Variants in SHF observed in about 807,000 individuals in gnomAD.
The protein encoded by SHF is SH2 domain-containing adapter protein F.
In SHF, 30 loss-of-function variants were observed where a neutral mutation model predicts 42.4. That is an observed-to-expected ratio of 0.71 (90% CI 0.53 to 0.96). SHF has a LOEUF of 0.96. SHF is among the 40% of genes least tolerant of loss of function. SHF has a pLI of 0.00. For synonymous variants in SHF, 264 were observed against 269.9 expected (o/e 0.98, Z 0.21); for missense variants, 598 against 634.0 (o/e 0.94, Z 0.61).
chr15:45,186,285 C>G (rs1488150650), intron 1 of SHF, among the ~76,000 whole-genome samples: 1 of 152,278 alleles, frequency 6.6e-6, no homozygotes, highest in East Asian at 1.9e-4. Flanking sequence ...GGCTTCTGCT[C>G]TGACCCTGAC....
chr15:45,189,679 G>A (rs150668553), upstream of SHF, among the ~76,000 whole-genome samples: 5 of 152,190 alleles, frequency 3.3e-5, no homozygotes, highest in Admixed American at 6.5e-5. Context: ...GTGAGCCAAC[G>A]GCACCTGGCC....
chr15:45,170,552 G>A lies in SHF; in HGVS notation c.1280+1331C>T, dbSNP rs951884716. 19 of 741,000 alleles carry A rather than the reference G, an allele frequency of 2.6e-5. No homozygotes were observed. The African/African-American group carries it at 3.5e-4, about 14-fold the overall frequency. 45.9% of individuals were successfully genotyped at this position (741,000 alleles called of 1,614,324 possible). Reference sequence around the variant, plus strand: ...AAACCGAGGCTCGGAGATATTAAGTGATTTCCCTAGGATCACATAGCTAGT... The same window carrying A: ...AAACCGAGGCTCGGAGATATTAAGTAATTTCCCTAGGATCACATAGCTAGT... On this transcript the variant is annotated intron_variant, in intron 6 of 6. Transcript: ENST00000690270.
Position 45,175,418 on chromosome 15 carries a change from C to G in SHF, c.648G>C (p.Arg216=). ...GCTGAGTTGCTGTCTCCTTGGAGCC[C>G]CGGATCTCTGCCGGAGCAGGGCAGG... ...YEAQKMMAEI[R]GSKETATQPL... is the part of the protein sequence containing the mutation. The change falls in exon 3 of 7, where the codon CGG becomes CGC. Residue 216 remains arginine (R), a synonymous_variant. Transcript: ENST00000690270. 1 of 1,580,840 alleles carries G rather than the reference C, an allele frequency of 6.3e-7. No individual in the cohort carries two copies. Among genetic ancestry groups the G allele is most frequent in the Admixed American group, 1.8e-5 (1 of 54,980 alleles).
At chr15:45,172,892 C>G (rs971307471) in intron 4 of SHF, among the ~76,000 whole-genome samples, 3 of 152,048 alleles carry the variant, frequency 2.0e-5, no homozygotes, top group African/African-American at 4.8e-5. Flanking sequence ...GGCCCAGAGG[C>G]AGCACCTCTG....
upstream of SHF, chr15:45,188,000 G>A (rs867765037): frequency 5.6e-3 from 3,743 of 664,454 alleles, 11 homozygotes; most frequent in Non-Finnish European, 7.0e-3. Flanking sequence ...GTGGGGGGCG[G>A]GGGCGGGGGT....
intron 2 of SHF, among the ~76,000 whole-genome samples, chr15:45,176,751 A>G (rs112986463): frequency 0.027 from 4,112 of 152,274 alleles, 184 homozygotes; most frequent in African/African-American, 0.093. Context: ...GATAAAAGCT[A>G]TGGAGCTACT....
chr15:45,187,880 G>T lies in SHF; in HGVS notation c.72C>A (p.Gly24=). The change falls in exon 1 of 7, where the codon GGC becomes GGA. Residue 24 remains glycine (G), a synonymous_variant. Transcript: ENST00000690270. ...CGGCGCCCCGGCGGGACCCCCCCGG[G>T]CCGCCCCCAGCGCTCCCCTGCGTTC... ...GPRTQGSAGG[G]PGGSRRGAGG... The T allele has an allele frequency of 8.5e-7, 1 of 1,174,320 alleles. No individual in the cohort carries two copies. The highest frequency in any genetic ancestry group is 1.1e-6 in the Non-Finnish European group (1 of 947,766). 72.7% of individuals were successfully genotyped at this position (1,174,320 alleles called of 1,614,324 possible). A position where few individuals can be genotyped will look rare whatever the true frequency, so the allele number is the denominator to read the frequency against.
intron 1 of SHF, among the ~76,000 whole-genome samples, chr15:45,179,927 C>A (rs534075274): frequency 2.0e-5 from 3 of 152,228 alleles, no homozygotes; most frequent in East Asian, 3.9e-4. Context: ...AAGAAAGGAA[C>A]CTCTTCACCT....
rs762356382 is a variant in SHF, at chr15:45,178,150, G to T, written c.640+15C>A. ...CCAGGCCTCAGGGAGCACCTCCCCT[G>T]CCCCTGTCACTCACCGGCCATCATC... is the stretch of plus-strand genomic sequence containing the variant. On this transcript the variant is annotated intron_variant, in intron 2 of 6. Transcript: ENST00000690270. 1.9e-6 allele frequency: 3 copies of T among 1,610,392 alleles called. No individual in the cohort carries two copies. Among genetic ancestry groups the T allele is most frequent in the Non-Finnish European group, 2.5e-6 (3 of 1,179,138 alleles).
intron 2 of SHF, 105 bp downstream of exon 2, chr15:45,178,060 A>G (rs749557723): frequency 1.4e-6 from 2 of 1,439,618 alleles, no homozygotes; most frequent in Non-Finnish European, 1.9e-6. Flanking sequence ...GACTTTCTCC[A>G]TATTTTCCAG....
chr15:45,199,675 C>T (rs964969409), intron 1 of SHF, among the ~76,000 whole-genome samples: 1 of 152,202 alleles, frequency 6.6e-6, no homozygotes, highest in African/African-American at 2.4e-5. Context: ...GAAGCGCCTA[C>T]TACCTGTCAG....
intron 1 of SHF, among the ~76,000 whole-genome samples, chr15:45,178,682 G>A (rs560004734): frequency 2.0e-5 from 3 of 151,942 alleles, no homozygotes; most frequent in African/African-American, 4.8e-5. Context: ...CTACAGGCAC[G>A]CACCACCAAG....
chr15:45,182,738 A>G lies in SHF; in HGVS notation c.499-4432T>C, dbSNP rs140739359. On this transcript the variant is annotated intron_variant, in intron 1 of 6. Transcript: ENST00000690270. The stretch of plus-strand genomic sequence containing the variant: ...TGTAATTTCCCAAAAATATTTAACC[A>G]TGGAAGCCCTTTGTCACTGAAAACC... 2.5e-3 allele frequency among the ~76,000 whole-genome samples: 378 copies of G among 152,344 alleles called. 5 individuals carry two copies. The highest frequency in any genetic ancestry group is 9.0e-3 in the African/African-American group (374 of 41,584).
rs865837711 is a variant in SHF at position 45,172,702 on chromosome 15, C to T, written c.989-384G>A. ...TCTTTCTCCTCCTCAGAGTTCATTA[C>T]CGTTCTCCAAATCACCCTGCCAAGC... is the stretch of plus-strand genomic sequence containing the variant. On this transcript the variant is annotated intron_variant, in intron 4 of 6. Transcript: ENST00000690270. 5.3e-5 allele frequency among the ~76,000 whole-genome samples: 8 copies of T among 152,350 alleles called. 1 individual carries two copies. In the South Asian group the frequency reaches 8.3e-4, roughly 16 times the overall value.
chr15:45,194,932 G>C lies in SHF; in HGVS notation c.303+3840C>G, dbSNP rs374089324. ...TAGCCTCAACCTCCTGGGTTCAAGCGATCCTCCCACCTCAGCTGCTCCAAT... is the reference window on the plus strand; with the variant it reads ...TAGCCTCAACCTCCTGGGTTCAAGCCATCCTCCCACCTCAGCTGCTCCAAT... On this transcript the variant is annotated intron_variant, in intron 2 of 7. Coordinates refer to the SHF transcript ENST00000290894. 9.1e-4 allele frequency among the ~76,000 whole-genome samples: 139 copies of C among 152,116 alleles called. No individual in the cohort carries two copies. In the South Asian group the frequency reaches 0.015, roughly 17 times the overall value.
chr15:45,186,331 GCT>G (rs1169828065), intron 1 of SHF, among the ~76,000 whole-genome samples: 4 of 152,228 alleles, frequency 2.6e-5, no homozygotes, highest in East Asian at 1.9e-4. Flanking sequence ...GCGGAACGGC[GCT>G]CTCTCAGCTA....
At chr15:45,194,149 C>A (rs1310743105) in intron 2 of SHF, among the ~76,000 whole-genome samples, 1 of 150,766 alleles carries the variant, frequency 6.6e-6, no homozygotes, top group Non-Finnish European at 1.5e-5. Flanking sequence ...TGACATAGTT[C>A]CCAGCTTGAC....
In SHF at chr15:45,169,554, CCT is replaced by C. The variant is rs1292777032; in HGVS notation, c.1281-1423_1281-1422del. Among the ~76,000 whole-genome samples the C allele has an allele frequency of 2.0e-5, 3 of 152,216 alleles. 1 individual carries two copies. Among genetic ancestry groups the C allele is most frequent in the Non-Finnish European group, 4.4e-5 (3 of 68,030 alleles). On this transcript the variant is annotated intron_variant, in intron 6 of 6. Coordinates refer to ENST00000690270, the MANE Select transcript of SHF (RefSeq NM_001394037.1). ...GTGGTGGAGAGGGGAGGCAGTGTCC[CCT>C]GTCAGGCTCAAGGCTGTGGGCAGCA...
At position 45,178,283 on chromosome 15, in the gene SHF, C is replaced by T. The variant is rs766138143; in HGVS notation, c.522G>A (p.Ala174=). The T allele has an allele frequency of 5.6e-6, 9 of 1,613,752 alleles. No individual in the cohort carries two copies. The highest frequency in any genetic ancestry group is 2.7e-5 in the African/African-American group (2 of 74,906). Residue 174 remains alanine, a synonymous_variant, in exon 2 of 7, where the codon GCG becomes GCA. Coordinates refer to ENST00000690270, the MANE Select transcript of SHF (RefSeq NM_001394037.1). ...SDRLAILEDY[A]DPFDVQETGE... ...CAGTCTCCTGAACATCAAACGGGTC[C>T]GCATAGTCTTCTAGGATAGCTAGCT...
Sources: gnomAD v4.1 joint callset for allele counts (sites outside exome capture counted in the v4.1 genomes callset) on GRCh38, gnomAD v4.1.1 for gene constraint, MANE v1.5 for transcripts, NCBI Gene and HGNC (gene_info 2026-07-23, HGNC 2026-07-21) for gene names.